Variants in PRR16 observed in about 807,000 individuals in gnomAD.
PRR16 encodes the protein protein Largen.
PRR16 carries 6 observed loss-of-function variants against 18.2 expected under a neutral mutation model. The ratio of observed to expected loss-of-function variants is 0.33; its 90% CI spans 0.18 to 0.65. The LOEUF (loss-of-function observed/expected upper bound fraction) is 0.65. PRR16 is among the 30% of genes least tolerant of loss of function. The pLI is 0.74. For missense variants in PRR16, 412 were observed against 376.6 expected (o/e 1.09, Z -0.78); for synonymous variants, 151 against 147.8 (o/e 1.02, Z -0.16).
At chr5:120,600,797 C>A (rs1753956887) in intron 1 of PRR16, among the ~76,000 whole-genome samples, 3 of 151,852 alleles carry the variant, frequency 2.0e-5, no homozygotes, top group African/African-American at 7.2e-5. Context: ...CAATGTTTAT[C>A]TTGCACTTAC....
At chr5:120,647,706 G>A (rs1436482312) in intron 1 of PRR16, among the ~76,000 whole-genome samples, 3 of 151,964 alleles carry the variant, frequency 2.0e-5, no homozygotes, top group African/African-American at 7.2e-5. Context: ...CTGCTTAAAA[G>A]TTTATGATCC....
At chr5:120,617,665 T>C (rs886787152) in intron 1 of PRR16, among the ~76,000 whole-genome samples, 2 of 152,270 alleles carry the variant, frequency 1.3e-5, no homozygotes, top group East Asian at 3.9e-4. Context: ...AGGAAATTAA[T>C]TTTAGTCATT....
At chr5:120,552,144 T>C (rs12109575) in intron 1 of PRR16, among the ~76,000 whole-genome samples, 32,335 of 151,902 alleles carry the variant, frequency 0.21, 3,554 homozygotes, top group African/African-American at 0.22. Flanking sequence ...CAGAAGATCA[T>C]GTGAACCTCT....
chr5:120,752,321 G>C, the PRR16 span, among the ~76,000 whole-genome samples: 1 of 152,060 alleles, frequency 6.6e-6, no homozygotes, highest in African/African-American at 2.4e-5. Context: ...ATGGGTTACA[G>C]AATAGATAAC....
At chr5:120,485,126 G>A (rs1178650013) in intron 1 of PRR16, among the ~76,000 whole-genome samples, 4 of 151,954 alleles carry the variant, frequency 2.6e-5, no homozygotes, top group Non-Finnish European at 5.9e-5. Context: ...CATTTTAAAT[G>A]AGCAGTTAAG....
intron 1 of PRR16, among the ~76,000 whole-genome samples, chr5:120,663,422 G>A (rs749852865): frequency 6.6e-6 from 1 of 150,904 alleles, no homozygotes; most frequent in Non-Finnish European, 1.5e-5. Flanking sequence ...CTGTTGAAAA[G>A]GTTAAAAAGG....
At chr5:120,570,466 A>C (rs1752871639) in intron 1 of PRR16, among the ~76,000 whole-genome samples, 1 of 152,198 alleles carries the variant, frequency 6.6e-6, no homozygotes, top group Non-Finnish European at 1.5e-5. Context: ...TACGAAGCTT[A>C]AATGGTTTTC....
the PRR16 span, among the ~76,000 whole-genome samples, chr5:120,767,614 T>C: frequency 6.6e-6 from 1 of 151,924 alleles, no homozygotes; most frequent in African/African-American, 2.4e-5. Flanking sequence ...GAAATTACTT[T>C]GATTGCATAA....
intron 1 of PRR16, among the ~76,000 whole-genome samples, chr5:120,648,553 G>A (rs945789918): frequency 6.6e-6 from 1 of 152,026 alleles, no homozygotes; most frequent in Non-Finnish European, 1.5e-5. Flanking sequence ...TTTCTTTCAA[G>A]AGAATAAATA....
intron 1 of PRR16, among the ~76,000 whole-genome samples, chr5:120,644,718 G>A (rs1755534385): frequency 6.6e-6 from 1 of 152,092 alleles, no homozygotes; most frequent in South Asian, 2.1e-4. Flanking sequence ...ATTTGGAAAG[G>A]CATTTGAGTT....
chr5:120,706,329 TG>T, the PRR16 span, among the ~76,000 whole-genome samples: 2 of 5,250 alleles, frequency 3.8e-4, no homozygotes, highest in Non-Finnish European at 1.3e-3. Context: ...CAGTTTGACT[TG>T]GGGACATATT....
the PRR16 span, among the ~76,000 whole-genome samples, chr5:120,726,232 G>A: frequency 6.6e-6 from 1 of 152,076 alleles, no homozygotes; most frequent in African/African-American, 2.4e-5. Flanking sequence ...AGAAAAGGCA[G>A]AGCAAAGATT....
intron 1 of PRR16, among the ~76,000 whole-genome samples, chr5:120,514,185 AT>A (rs1173256425): frequency 6.6e-6 from 1 of 152,114 alleles, no homozygotes. Flanking sequence ...TAGCCTAATG[AT>A]TTACTGATTC....
At position 120,482,545 on chromosome 5, in the gene PRR16, A is replaced by T. The variant is rs118128217; in HGVS notation, c.159+17900A>T. 4.0e-3 allele frequency among the ~76,000 whole-genome samples: 616 copies of T among 152,220 alleles called. 21 individuals carry two copies. The East Asian group carries it at 0.083, about 20-fold the overall frequency. The stretch of plus-strand genomic sequence containing the variant: ...CATTCCACCATTGATGGGCACCTAG[A>T]TTGATTCTATGTCTTTGCTATTATG... On this transcript the variant is annotated intron_variant, in intron 1 of 1. Coordinates refer to ENST00000407149, the MANE Select transcript of PRR16 (RefSeq NM_001300783.2).
At chr5:120,786,560 T>C in the PRR16 span, among the ~76,000 whole-genome samples, 44 of 149,018 alleles carry the variant, frequency 3.0e-4, no homozygotes, top group African/African-American at 1.0e-3. Context: ...GTATCATATA[T>C]TTTATAAAAT....
intron 1 of PRR16, among the ~76,000 whole-genome samples, chr5:120,476,708 T>A (rs1405891350): frequency 6.6e-6 from 1 of 152,106 alleles, no homozygotes; most frequent in East Asian, 1.9e-4. Context: ...CTCCCCTAAA[T>A]GATTCCTGCC....
chr5:120,627,917 TAA>T (rs1754920612), intron 1 of PRR16, among the ~76,000 whole-genome samples: 2 of 152,134 alleles, frequency 1.3e-5, no homozygotes, highest in Admixed American at 6.5e-5. Context: ...CTTAAAGAAA[TAA>T]GTTTGTGGTT....
At chr5:120,781,714 G>A in the PRR16 span, among the ~76,000 whole-genome samples, 1 of 140,418 alleles carries the variant, frequency 7.1e-6, no homozygotes, top group African/African-American at 2.5e-5. Context: ...TGTGAAAAAA[G>A]AGATACAGTT....
chr5:120,679,083 A>G (rs1756893636), intron 1 of PRR16, among the ~76,000 whole-genome samples: 1 of 152,166 alleles, frequency 6.6e-6, no homozygotes, highest in Admixed American at 6.6e-5. Context: ...ACAGTCTACT[A>G]TAGCTTCCTT....
Sources: allele counts gnomAD v4.1 joint callset (sites outside exome capture counted in the v4.1 genomes callset), GRCh38; gene constraint gnomAD v4.1.1; transcripts MANE v1.5; gene names NCBI Gene and HGNC (gene_info 2026-07-23, HGNC 2026-07-21).